ITGA6: variants seen among roughly 807,000 people sequenced by gnomAD.
ITGA6 encodes integrin subunit alpha 6, also known as integrin alpha-6.
In ITGA6, 63 loss-of-function variants were observed where a neutral mutation model predicts 133.6. The ratio of observed to expected loss-of-function variants is 0.47; its 90% confidence interval spans 0.38 to 0.58. ITGA6 has a LOEUF of 0.58. ITGA6 is among the 20% of genes least tolerant of loss of function. ITGA6 has a pLI of 0.00. For missense variants in ITGA6, 1,068 were observed against 1,309.4 expected (o/e 0.82, Z 2.85); for synonymous variants, 434 against 482.0 (o/e 0.90, Z 1.30).
At chr2:172,493,989 T>C (rs1687026302) in intron 23 of ITGA6, among the ~76,000 whole-genome samples, 4 of 152,234 alleles carry the variant, frequency 2.6e-5, no homozygotes, top group African/African-American at 7.2e-5. Flanking sequence ...AATGGGTTAC[T>C]GGTCTCATAT....
intron 23 of ITGA6, among the ~76,000 whole-genome samples, chr2:172,492,565 T>C (rs1686968071): frequency 6.6e-6 from 1 of 152,210 alleles, no homozygotes; most frequent in Non-Finnish European, 1.5e-5. Flanking sequence ...TTCATCCAGG[T>C]AATGACAAAT....
chr2:172,476,100 G>T (rs904822052), intron 8 of ITGA6, among the ~76,000 whole-genome samples: 1 of 152,108 alleles, frequency 6.6e-6, no homozygotes, highest in African/African-American at 2.4e-5. Context: ...AGACTTGTAG[G>T]GAAGGTAGGG....
chr2:172,478,402 CAG>C (rs758823707), intron 9 of ITGA6, among the ~76,000 whole-genome samples: 1 of 152,188 alleles, frequency 6.6e-6, no homozygotes, highest in Admixed American at 6.5e-5. Flanking sequence ...ACAAGCCCAT[CAG>C]AGTCAGCCTA....
At chr2:172,436,576 T>C (rs1211836859) in intron 1 of ITGA6, among the ~76,000 whole-genome samples, 1 of 152,172 alleles carries the variant, frequency 6.6e-6, no homozygotes. Flanking sequence ...ATATGTAAGC[T>C]CTGTAAGCTC....
chr2:172,458,961 G>C (rs1257730684), intron 1 of ITGA6, among the ~76,000 whole-genome samples: 1 of 152,042 alleles, frequency 6.6e-6, no homozygotes, highest in African/African-American at 2.4e-5. Flanking sequence ...ATAAATACCA[G>C]AAAATACAGT....
chr2:172,503,730 C>T (rs1392658300), intron 25 of ITGA6: 1 of 156,626 alleles, frequency 6.4e-6, no homozygotes, highest in Non-Finnish European at 1.4e-5. Context: ...AAAAATTATT[C>T]TTAATCTAAT....
intron 5 of ITGA6, among the ~76,000 whole-genome samples, chr2:172,472,227 G>A (rs1007455515): frequency 5.9e-5 from 9 of 152,230 alleles, no homozygotes; most frequent in African/African-American, 2.2e-4. Flanking sequence ...AGGAGCCTGA[G>A]GTAGGAGAAT....
chr2:172,427,590 G>A lies in ITGA6; in HGVS notation c.-199G>A. Reference sequence around the variant, plus strand: ...GCCTGCGAGTCTCCAGAGAACAACGGGCTCATTCAGCGGTCGCGAGCTGCC... The same window carrying A: ...GCCTGCGAGTCTCCAGAGAACAACGAGCTCATTCAGCGGTCGCGAGCTGCC... On this transcript the variant is annotated 5_prime_UTR_variant, in exon 1 of 26. Transcript: ENST00000684293. 7.9e-7 allele frequency: 1 copy of A among 1,265,354 alleles called. No homozygotes were observed. The highest frequency in any genetic ancestry group is 4.4e-5 in the Admixed American group (1 of 22,888). 78.4% of individuals were successfully genotyped at this position (1,265,354 alleles called of 1,614,324 possible). A position where few individuals can be genotyped will look rare whatever the true frequency, so the allele number is the denominator to read the frequency against.
chr2:172,472,492 CT>C lies in ITGA6; in HGVS notation c.775+1391del, dbSNP rs569335334. Among the ~76,000 whole-genome samples, 305 of 152,290 alleles carry C rather than the reference CT, an allele frequency of 2.0e-3. 1 individual carries two copies. Among genetic ancestry groups the C allele is most frequent in the African/African-American group, 7.1e-3 (296 of 41,552 alleles). ...CATTTTTTCTCAAACACATTTGCCA[CT>C]TTTAGAATGGATTTCCTCAAAAGTG... On this transcript the variant is annotated intron_variant, in intron 5 of 25. Transcript: ENST00000684293.
rs909783583 is a variant in ITGA6, at chr2:172,491,626, T to C, written c.2988+103T>C. 2 of 767,538 alleles carry C rather than the reference T, an allele frequency of 2.6e-6. No homozygotes were observed. The highest frequency in any genetic ancestry group is 4.6e-6 in the Non-Finnish European group (2 of 438,356). 47.5% of individuals were successfully genotyped at this position (767,538 alleles called of 1,614,324 possible). ...TGTGCTTTGGTGCTCATTTCCCTCA[T>C]AGCCCCATTACGGAGAAAACTGTCT... On this transcript the variant is annotated intron_variant, in intron 23 of 25. Transcript: ENST00000684293. The surrounding 1 kb of genome is among the most constrained non-coding windows in gnomAD (Gnocchi z 4.4).
At chr2:172,489,083 G>C (rs1359671427) in intron 19 of ITGA6, among the ~76,000 whole-genome samples, 4 of 152,188 alleles carry the variant, frequency 2.6e-5, no homozygotes, top group Non-Finnish European at 5.9e-5. Context: ...TGCAGTGGAT[G>C]GGGTTTTCCA....
At chr2:172,475,494 C>T in intron 7 of ITGA6, 103 bp from the exon 8 acceptor site, 1 of 805,352 alleles carries the variant, frequency 1.2e-6, no homozygotes, top group Non-Finnish European at 2.2e-6. Flanking sequence ...CCGAAAAAGC[C>T]AAACAAATAA....
At chr2:172,500,497 G>GC (rs1273749607) in intron 24 of ITGA6, among the ~76,000 whole-genome samples, 1 of 152,206 alleles carries the variant, frequency 6.6e-6, no homozygotes, top group African/African-American at 2.4e-5. Flanking sequence ...GGGCATGGTG[G>GC]CGGGCACCTG....
In ITGA6 at chr2:172,427,848, C is replaced by T. The variant is rs140763977; in HGVS notation, c.60C>T (p.Leu20=). Residue 20 remains leucine (L), a synonymous_variant, in exon 1 of 26, where the codon CTC becomes CTT. Transcript: ENST00000684293. ...TGTCGGCGGGGCTCCTGTCCCGGCTCGGCGCAGCCTTCAACTTGGACACTC... is the reference window on the plus strand; with the variant it reads ...TGTCGGCGGGGCTCCTGTCCCGGCTTGGCGCAGCCTTCAACTTGGACACTC... ...LYLSAGLLSR[L]GAAFNLDTRE... is the part of the protein sequence containing the mutation. 19 of 1,606,164 alleles carry T rather than the reference C, an allele frequency of 1.2e-5. No homozygotes were observed. Among genetic ancestry groups the T allele is most frequent in the Admixed American group, 6.8e-5 (4 of 59,052 alleles).
chr2:172,427,485 G>C (rs62167766), upstream of ITGA6: 1,690 of 1,086,912 alleles, frequency 1.6e-3, 2 homozygotes, highest in Admixed American at 2.0e-3. Context: ...GGTGCGGGCG[G>C]TGCGCCGGGC....
At chr2:172,470,900 G>A in intron 4 of ITGA6, 74 bp from the exon 5 acceptor site, 1 of 1,512,254 alleles carries the variant, frequency 6.6e-7, no homozygotes, top group South Asian at 1.2e-5. Context: ...CATGGGGGAT[G>A]TTTATTAGGA....
At position 172,428,933 on chromosome 2, in the gene ITGA6, C is replaced by T. The variant is rs574136534; in HGVS notation, c.182+963C>T. 1.6e-4 allele frequency among the ~76,000 whole-genome samples: 25 copies of T among 152,314 alleles called. No individual in the cohort carries two copies. In the South Asian group the frequency reaches 3.3e-3, roughly 20 times the overall value. ...GCCTTAATCGCTATGGGGTTGCATT[C>T]TTCATCTGTGCTACTGAAAAATAGG... On this transcript the variant is annotated intron_variant, in intron 1 of 25. Transcript: ENST00000684293.
At chr2:172,479,550 TG>T in intron 9 of ITGA6, 90 bp from the exon 10 acceptor site, 1 of 1,022,912 alleles carries the variant, frequency 9.8e-7, no homozygotes, top group Non-Finnish European at 1.6e-6. Context: ...TAAGCTGTGC[TG>T]GGCAGCTAAG....
In ITGA6 at chr2:172,427,714, G is replaced by C; in HGVS notation, c.-75G>C. ...CGAAGGTGGCTGCGGTAGCAGCAGC[G>C]CGGCAGCCTCGGACCCAGCCCGGAG... On this transcript the variant is annotated 5_prime_UTR_variant, in exon 1 of 26. Coordinates refer to ENST00000684293, the MANE Select transcript of ITGA6 (RefSeq NM_000210.4). 20 of 1,406,916 alleles carry C rather than the reference G, an allele frequency of 1.4e-5. No homozygotes were observed. The highest frequency in any genetic ancestry group is 1.8e-5 in the Non-Finnish European group (20 of 1,081,586). 87.2% of individuals were successfully genotyped at this position (1,406,916 alleles called of 1,614,324 possible).
Sources: gnomAD v4.1 joint callset for allele counts (sites outside exome capture counted in the v4.1 genomes callset) on GRCh38, gnomAD v4.1.1 for gene constraint, Gnocchi (gnomAD v3.1) non-coding constraint, MANE v1.5 for transcripts, NCBI Gene and HGNC (gene_info 2026-07-23, HGNC 2026-07-21) for gene names.